Variants in NIPSNAP1 observed in about 807,000 individuals in gnomAD.
NIPSNAP1 encodes the protein protein NipSnap homolog 1.
NIPSNAP1 carries 25 observed loss-of-function variants against 49.2 expected under a neutral mutation model. The ratio of observed to expected loss-of-function variants is 0.51; its 90% CI spans 0.37 to 0.71. NIPSNAP1 has a LOEUF of 0.71. Ranked by LOEUF, NIPSNAP1 falls within the 30% of genes least tolerant of loss-of-function variation. The pLI is 0.00. For missense variants in NIPSNAP1, 294 were observed against 361.0 expected (o/e 0.81, Z 1.50); for synonymous variants, 143 against 140.7 (o/e 1.02, Z -0.12).
intron 9 of NIPSNAP1, among the ~76,000 whole-genome samples, chr22:29,556,609 C>T (rs73159027): frequency 5.9e-5 from 9 of 152,168 alleles, no homozygotes; most frequent in Non-Finnish European, 1.3e-4. Flanking sequence ...AAGGTCAGCT[C>T]CAGGTCATCC....
intron 3 of NIPSNAP1, chr22:29,569,744 ACT>A: frequency 3.0e-6 from 1 of 330,990 alleles, no homozygotes; most frequent in Non-Finnish European, 5.8e-6. Context: ...TAATCCCAGC[ACT>A]CGGAGGCCGA....
Position 29,554,965 on chromosome 22 carries a change from G to C in NIPSNAP1, c.*970C>G, listed in dbSNP as rs928812125. On this transcript the variant is annotated 3_prime_UTR_variant, in exon 10 of 10. Coordinates refer to ENST00000216121, the MANE Select transcript of NIPSNAP1 (RefSeq NM_003634.4). ...CCCCTCCCGCCACCTCCACACACCA[G>C]GTGGCCCTGCAGAATGAGGGTTGGG... 1 of 152,640 alleles carries C rather than the reference G, an allele frequency of 6.6e-6. No homozygotes were observed. Among genetic ancestry groups the C allele is most frequent in the Non-Finnish European group, 1.5e-5 (1 of 68,130 alleles). The allele number at this position is 152,640 out of a possible 1,614,324, so 9.5% of individuals were successfully genotyped here.
intron 4 of NIPSNAP1, among the ~76,000 whole-genome samples, chr22:29,566,099 CA>C (rs1180426233): frequency 4.6e-5 from 7 of 151,994 alleles, no homozygotes; most frequent in Non-Finnish European, 7.4e-5. Context: ...TATGAGTGAG[CA>C]TTTGAAATGT....
intron 1 of NIPSNAP1, chr22:29,580,305 G>T (rs2064488009): frequency 6.5e-6 from 8 of 1,231,824 alleles, no homozygotes; most frequent in Non-Finnish European, 7.3e-6. Flanking sequence ...GCCAGTCAGG[G>T]AGGCCAAGCC....
At chr22:29,561,035 T>C in intron 7 of NIPSNAP1, 136 bp downstream of exon 7, 1 of 967,978 alleles carries the variant, frequency 1.0e-6, no homozygotes, top group Non-Finnish European at 1.6e-6. Context: ...TGGATCCTTC[T>C]CCCAGATCCA....
chr22:29,569,820 C>G, intron 3 of NIPSNAP1: 1 of 379,314 alleles, frequency 2.6e-6, no homozygotes, highest in Non-Finnish European at 5.0e-6. Context: ...GAAACCCTGT[C>G]TCTACTAAAT....
At chr22:29,561,045 A>T in intron 7 of NIPSNAP1, 126 bp downstream of exon 7, 1 of 1,014,052 alleles carries the variant, frequency 9.9e-7, no homozygotes, top group Non-Finnish European at 1.5e-6. Context: ...TCCCAGATCC[A>T]TGAGGGGCAG....
In NIPSNAP1 at chr22:29,560,651, C is replaced by A. The variant is rs114359898; in HGVS notation, c.706+83G>T. 371 of 1,047,774 alleles carry A rather than the reference C, an allele frequency of 3.5e-4. No homozygotes were observed. In the African/African-American group the frequency reaches 4.4e-3, roughly 12 times the overall value. 64.9% of individuals were successfully genotyped at this position (1,047,774 alleles called of 1,614,324 possible). A position where few individuals can be genotyped will look rare whatever the true frequency, so the allele number is the denominator to read the frequency against. On this transcript the variant is annotated intron_variant, in intron 8 of 9. Transcript: ENST00000216121. ...GCTAGAACATTAAGTTCTATGAGGA[C>A]ACTAATACAACCCCATTGGCTACAG... is the stretch of plus-strand genomic sequence containing the variant.
At chr22:29,556,077 T>TGTG in intron 9 of NIPSNAP1, 78 bp from the exon 10 acceptor site, 1 of 1,308,508 alleles carries the variant, frequency 7.6e-7, no homozygotes, top group Non-Finnish European at 1.1e-6. Flanking sequence ...CCACACATGC[T>TGTG]GGCCTTTGAG....
chr22:29,556,501 G>A (rs1262394638), intron 9 of NIPSNAP1, among the ~76,000 whole-genome samples: 2 of 151,758 alleles, frequency 1.3e-5, no homozygotes, highest in Non-Finnish European at 2.9e-5. Flanking sequence ...TCCAGCCTGG[G>A]CAACAAGAGC....
chr22:29,556,417 G>C (rs924530891), intron 9 of NIPSNAP1, among the ~76,000 whole-genome samples: 1 of 151,986 alleles, frequency 6.6e-6, no homozygotes, highest in East Asian at 2.0e-4. Context: ...CTAGCTACTC[G>C]GGAGGCTGAG....
intron 1 of NIPSNAP1, among the ~76,000 whole-genome samples, chr22:29,573,989 C>T (rs2064430200): frequency 6.6e-6 from 1 of 151,488 alleles, no homozygotes; most frequent in African/African-American, 2.4e-5. Context: ...GGCATGGTGG[C>T]TCATGCCTGT....
intron 1 of NIPSNAP1, among the ~76,000 whole-genome samples, chr22:29,572,681 TC>T (rs1320664406): frequency 6.6e-6 from 1 of 151,654 alleles, no homozygotes; most frequent in Non-Finnish European, 1.5e-5. Context: ...GTGCCTGTAG[TC>T]CCACTACTTG....
chr22:29,580,857 T>A (rs931259898), intron 1 of NIPSNAP1, 128 bp downstream of exon 1: 4 of 744,798 alleles, frequency 5.4e-6, no homozygotes, highest in Non-Finnish European at 8.3e-6. Flanking sequence ...TAGGCCTTGA[T>A]CCTGCCCCGC....
In NIPSNAP1 at chr22:29,569,214, A is replaced by G. The variant is rs749711910; in HGVS notation, c.346T>C (p.Tyr116His). 1 of 1,613,982 alleles carries G rather than the reference A, an allele frequency of 6.2e-7. No homozygotes were observed. The highest frequency in any genetic ancestry group is 8.5e-7 in the Non-Finnish European group (1 of 1,179,946). ...TTACCTGCCTGGTCCTGCTCCCCAT[A>G]CCACGTGTTCCAGTTGCCCACGAGT... ...CSLVGNWNTW[Y>H]GEQDQAVHLW... is the part of the protein sequence containing the mutation. The change falls in exon 4 of 10, where the codon TAT (tyrosine) becomes CAT (histidine). Residue 116 changes from tyrosine (Y) to histidine (H), a missense_variant. By Grantham distance (83) the Tyr-to-His change is moderately conservative. Coordinates refer to ENST00000216121, the MANE Select transcript of NIPSNAP1 (RefSeq NM_003634.4).
At chr22:29,560,271 C>T (rs577690783) in intron 8 of NIPSNAP1, among the ~76,000 whole-genome samples, 20 of 148,356 alleles carry the variant, frequency 1.3e-4, no homozygotes, top group African/African-American at 5.0e-4. Flanking sequence ...TTTTTTGAGA[C>T]GGAGTCTCGC....
chr22:29,572,786 G>A (rs2064419594), intron 1 of NIPSNAP1, among the ~76,000 whole-genome samples: 1 of 151,148 alleles, frequency 6.6e-6, no homozygotes, highest in African/African-American at 2.4e-5. Flanking sequence ...GCAACAGAGT[G>A]AGACTCTATC....
intron 2 of NIPSNAP1, 62 bp downstream of exon 2, chr22:29,570,343 A>G (rs1031087332): frequency 1.2e-6 from 2 of 1,612,740 alleles, no homozygotes; most frequent in Admixed American, 3.3e-5. Context: ...TCCTTCCTGG[A>G]GCCTCACAGG....
rs1293548943 is a variant in NIPSNAP1, at chr22:29,569,334, G to A, written c.273-47C>T. 7 of 1,419,764 alleles carry A rather than the reference G, an allele frequency of 4.9e-6. No individual in the cohort carries two copies. In the African/African-American group the frequency reaches 5.6e-5, roughly 11 times the overall value. The allele number at this position is 1,419,764 out of a possible 1,614,324, so 87.9% of individuals were successfully genotyped here. On this transcript the variant is annotated intron_variant, in intron 3 of 9. Transcript: ENST00000216121. ...GGGCAGGGTTCACATAGCCACCAGG[G>A]CCTCTGAGATAAGGGTTCAAACTCA... is the stretch of plus-strand genomic sequence containing the variant.
Sources: gnomAD v4.1 joint callset for allele counts (sites outside exome capture counted in the v4.1 genomes callset) on GRCh38, gnomAD v4.1.1 for gene constraint, MANE v1.5 for transcripts, NCBI Gene and HGNC (gene_info 2026-07-23, HGNC 2026-07-21) for gene names.